ADGRB3: variants seen among roughly 807,000 people sequenced by gnomAD.
ADGRB3 encodes the protein adhesion G protein-coupled receptor B3, also known as brain-specific angiogenesis inhibitor 3.
A neutral mutation model predicts 193.4 loss-of-function variants in ADGRB3; 37 were observed. The ratio of observed to expected loss-of-function variants is 0.19; its 90% confidence interval spans 0.15 to 0.25. The LOEUF is 0.25. Ranked by LOEUF, ADGRB3 falls within the 10% of genes least tolerant of loss-of-function variation. The probability of loss-of-function intolerance (pLI) is 1.00; values close to 1 mark genes in which losing one functional copy is unlikely to be tolerated. For missense variants in ADGRB3, 1,637 were observed against 1,852.9 expected, an observed-to-expected ratio of 0.88 and a Z score of 2.14; for synonymous variants, 690 against 644.2, an observed-to-expected ratio of 1.07 and a Z score of -1.08.
At chr6:69,229,092 T>C (rs1766081014) in intron 17 of ADGRB3, among the ~76,000 whole-genome samples, 2 of 152,174 alleles carry the variant, frequency 1.3e-5, no homozygotes, top group Admixed American at 6.5e-5. Context: ...AAGTTACTTC[T>C]AGTAAAACTT....
At chr6:69,265,408 C>G (rs750074888) in intron 20 of ADGRB3, among the ~76,000 whole-genome samples, 1 of 151,872 alleles carries the variant, frequency 6.6e-6, no homozygotes, top group Non-Finnish European at 1.5e-5. Context: ...ATTAGTCTGA[C>G]TAAAACTGAT....
At chr6:69,287,305 T>C (rs1209165411) in intron 20 of ADGRB3, among the ~76,000 whole-genome samples, 1 of 152,078 alleles carries the variant, frequency 6.6e-6, no homozygotes, top group African/African-American at 2.4e-5. Flanking sequence ...GATAGCAAAA[T>C]CTCTTCAGTC....
intron 29 of ADGRB3, among the ~76,000 whole-genome samples, chr6:69,366,749 G>C (rs776985196): frequency 6.6e-6 from 1 of 152,088 alleles, no homozygotes; most frequent in South Asian, 2.1e-4. Flanking sequence ...CTCAGAGTAT[G>C]CCCAAGCAAA....
chr6:68,868,958 C>A (rs1765385961), intron 3 of ADGRB3, among the ~76,000 whole-genome samples: 1 of 108,042 alleles, frequency 9.3e-6, no homozygotes, highest in South Asian at 3.1e-4. Flanking sequence ...TGTGTTTAAA[C>A]TTAATCTTAG....
At position 69,239,245 on chromosome 6, in the gene ADGRB3, C is replaced by G. The variant is rs1766335747; in HGVS notation, c.2814+19C>G. 6.9e-7 allele frequency: 1 copy of G among 1,451,160 alleles called. No individual in the cohort carries two copies. The highest frequency in any genetic ancestry group is 2.3e-5 in the East Asian group (1 of 43,110). The allele number at this position is 1,451,160 out of a possible 1,614,324, so 89.9% of individuals were successfully genotyped here. A position where few individuals can be genotyped will look rare whatever the true frequency, so the allele number is the denominator to read the frequency against. ...TAATAAGGTATGACTGGTAATTATT[C>G]TGATTCTTTTTTTGTGTTTATATTT... On this transcript the variant is annotated intron_variant, in intron 20 of 31. Coordinates refer to ENST00000370598, the MANE Select transcript of ADGRB3 (RefSeq NM_001704.3).
intron 3 of ADGRB3, among the ~76,000 whole-genome samples, chr6:68,883,461 T>C (rs979226910): frequency 1.3e-5 from 2 of 152,194 alleles, no homozygotes; most frequent in African/African-American, 4.8e-5. Context: ...ATTTGCTCTT[T>C]GCAATAAATC....
intron 3 of ADGRB3, among the ~76,000 whole-genome samples, chr6:68,870,014 A>T (rs1174033780): frequency 6.6e-6 from 1 of 152,186 alleles, no homozygotes; most frequent in Non-Finnish European, 1.5e-5. Context: ...CTTGATCTCA[A>T]GTAGTCCGCC....
At chr6:69,315,358 C>T (rs1768288771) in intron 20 of ADGRB3, among the ~76,000 whole-genome samples, 2 of 151,526 alleles carry the variant, frequency 1.3e-5, no homozygotes, top group Non-Finnish European at 3.0e-5. Flanking sequence ...AGAGTAGGTG[C>T]TTATAAGTTA....
At chr6:69,157,739 T>G (rs942354715) in intron 17 of ADGRB3, among the ~76,000 whole-genome samples, 11 of 152,112 alleles carry the variant, frequency 7.2e-5, no homozygotes, top group African/African-American at 2.7e-4. Flanking sequence ...ACAATTCCCT[T>G]TCCCCTCCAT....
intron 3 of ADGRB3, among the ~76,000 whole-genome samples, chr6:68,857,501 G>C (rs964813279): frequency 6.6e-6 from 1 of 152,186 alleles, no homozygotes; most frequent in Admixed American, 6.5e-5. Flanking sequence ...TGTCCTGCTG[G>C]ATTTCATACT....
intron 20 of ADGRB3, among the ~76,000 whole-genome samples, chr6:69,244,055 G>A (rs889450014): frequency 6.6e-6 from 1 of 151,958 alleles, no homozygotes; most frequent in African/African-American, 2.4e-5. Flanking sequence ...ATTATTTGGG[G>A]TGGTCAAACA....
At chr6:68,885,196 T>C (rs917827813) in intron 3 of ADGRB3, among the ~76,000 whole-genome samples, 1 of 152,112 alleles carries the variant, frequency 6.6e-6, no homozygotes, top group Non-Finnish European at 1.5e-5. Flanking sequence ...AAGGAAGGAT[T>C]TGTGATATTT....
At chr6:69,034,038 G>T (rs1330140955) in intron 13 of ADGRB3, among the ~76,000 whole-genome samples, 1 of 151,888 alleles carries the variant, frequency 6.6e-6, no homozygotes, top group Non-Finnish European at 1.5e-5. Context: ...TATTAACAGG[G>T]TTCTCAAATG....
intron 20 of ADGRB3, among the ~76,000 whole-genome samples, chr6:69,281,988 AG>A (rs1767447167): frequency 6.6e-6 from 1 of 152,064 alleles, no homozygotes; most frequent in African/African-American, 2.4e-5. Context: ...GTATCTCTCA[AG>A]GTAATTGACT....
intron 17 of ADGRB3, among the ~76,000 whole-genome samples, chr6:69,154,530 C>A (rs80314179): frequency 0.024 from 3,682 of 152,194 alleles, 143 homozygotes; most frequent in African/African-American, 0.084. Flanking sequence ...CTTTTTTGTT[C>A]CATCTGCCTA....
At chr6:69,351,300 C>T (rs199524866) in intron 26 of ADGRB3, among the ~76,000 whole-genome samples, 2 of 151,464 alleles carry the variant, frequency 1.3e-5, no homozygotes, top group African/African-American at 4.9e-5. Flanking sequence ...TTGCCATGTT[C>T]GCCAGGCTGG....
At chr6:69,179,875 C>G (rs559942822) in intron 17 of ADGRB3, among the ~76,000 whole-genome samples, 2 of 152,274 alleles carry the variant, frequency 1.3e-5, no homozygotes, top group Admixed American at 6.5e-5. Context: ...GTACTTGATC[C>G]TTGTTTACTT....
chr6:69,222,583 G>C (rs1421744404), intron 17 of ADGRB3, among the ~76,000 whole-genome samples: 1 of 152,082 alleles, frequency 6.6e-6, no homozygotes, highest in Non-Finnish European at 1.5e-5. Context: ...TATAGATCAT[G>C]TAAAAAGGTA....
intron 3 of ADGRB3, among the ~76,000 whole-genome samples, chr6:68,807,235 C>CTTTTTTTTTTTTTTTTTTTTTTTT (rs771342538): frequency 2.0e-5 from 2 of 100,200 alleles, no homozygotes; most frequent in African/African-American, 3.7e-5. Flanking sequence ...TTTCTTTTTT[C>CTTTTTTTTTTTTTTTTTTTTTTTT]TTTTTTTTTT....
Sources: gnomAD v4.1 joint callset for allele counts (sites outside exome capture counted in the v4.1 genomes callset) on GRCh38, gnomAD v4.1.1 for gene constraint, MANE v1.5 for transcripts, NCBI Gene and HGNC (gene_info 2026-07-23, HGNC 2026-07-21) for gene names.